Variants in LRGUK observed in about 807,000 individuals in gnomAD.
LRGUK encodes the protein leucine-rich repeat and guanylate kinase domain-containing protein.
A neutral mutation model predicts 76.0 loss-of-function variants in LRGUK; 65 were observed. That is an observed-to-expected ratio of 0.85 (90% CI 0.70 to 1.05). LRGUK has a LOEUF of 1.05. Ranked by LOEUF, LRGUK falls within the 50% of genes least tolerant of loss-of-function variation. The pLI is 0.00. For synonymous variants in LRGUK, 268 were observed against 265.6 expected (o/e 1.01, Z -0.09); for missense variants, 758 against 732.8 (o/e 1.03, Z -0.40).
intron 16 of LRGUK, among the ~76,000 whole-genome samples, chr7:134,246,792 T>C (rs553685391): frequency 6.6e-5 from 10 of 152,242 alleles, no homozygotes; most frequent in Non-Finnish European, 1.2e-4. Context: ...AAGTCTTTTA[T>C]GTAAAACAAA....
downstream of LRGUK, among the ~76,000 whole-genome samples, chr7:134,213,026 C>T (rs1438123762): frequency 1.3e-5 from 2 of 152,132 alleles, no homozygotes; most frequent in Non-Finnish European, 2.9e-5. Flanking sequence ...TTAGTCATCG[C>T]GGTTGCAGAA....
At chr7:134,128,217 A>G (rs948668525) in intron 1 of LRGUK, among the ~76,000 whole-genome samples, 5 of 152,230 alleles carry the variant, frequency 3.3e-5, no homozygotes, top group African/African-American at 1.2e-4. Flanking sequence ...TATACAAGCA[A>G]CATGCACACA....
rs528962373 is a variant in LRGUK, at chr7:134,197,404, A to T, written c.1545+299A>T. 2.6e-5 allele frequency among the ~76,000 whole-genome samples: 4 copies of T among 152,326 alleles called. No homozygotes were observed. The East Asian group carries it at 5.8e-4, about 22-fold the overall frequency. Reference sequence around the variant, plus strand: ...GGTTACAATACAAGAAATTGCACAGATATTGTGAGTGAAACTGCCACTCGA... The same window carrying T: ...GGTTACAATACAAGAAATTGCACAGTTATTGTGAGTGAAACTGCCACTCGA... On this transcript the variant is annotated intron_variant, in intron 13 of 15. Coordinates refer to ENST00000645682, the Ensembl canonical transcript of LRGUK.
chr7:134,148,391 T>C, intron 5 of LRGUK, 72 bp downstream of exon 5: 1 of 878,876 alleles, frequency 1.1e-6, no homozygotes, highest in South Asian at 1.5e-5. Flanking sequence ...ATTCAAGAAT[T>C]GTATTAGATT....
intron 7 of LRGUK, among the ~76,000 whole-genome samples, chr7:134,167,643 G>T (rs1298694320): frequency 6.6e-6 from 1 of 152,146 alleles, no homozygotes; most frequent in African/African-American, 2.4e-5. Context: ...GGGGTGCAGT[G>T]CTCCCTTGCA....
intron 8 of LRGUK, 33 bp from the exon 9 acceptor site, chr7:134,176,944 G>A (rs770706061): frequency 1.5e-6 from 2 of 1,327,380 alleles, no homozygotes; most frequent in Non-Finnish European, 2.1e-6. Context: ...GAAAAGGAAG[G>A]CAACTGAACA....
At chr7:134,270,220 GTT>G in the LRGUK span, among the ~76,000 whole-genome samples, 2 of 152,056 alleles carry the variant, frequency 1.3e-5, no homozygotes, top group African/African-American at 2.4e-5. Context: ...GACTAAATAT[GTT>G]CATTAAGTTC....
At chr7:134,253,045 C>A (rs1802485820) in intron 18 of LRGUK, among the ~76,000 whole-genome samples, 1 of 152,148 alleles carries the variant, frequency 6.6e-6, no homozygotes, top group Non-Finnish European at 1.5e-5. Context: ...AGGTACGAAT[C>A]TAAGTTAAAT....
intron 19 of LRGUK, among the ~76,000 whole-genome samples, chr7:134,260,865 A>C (rs1802705575): frequency 1.3e-5 from 2 of 152,184 alleles, no homozygotes; most frequent in Non-Finnish European, 2.9e-5. Flanking sequence ...CAAATGGGTT[A>C]GAACATTGCA....
chr7:134,137,508 G>A (rs1287118517), intron 2 of LRGUK, among the ~76,000 whole-genome samples: 1 of 151,900 alleles, frequency 6.6e-6, no homozygotes, highest in Non-Finnish European at 1.5e-5. Context: ...TGAATCCAAG[G>A]GAACAAAGTA....
chr7:134,181,060 C>G (rs1450181109), intron 10 of LRGUK, among the ~76,000 whole-genome samples: 1 of 152,140 alleles, frequency 6.6e-6, no homozygotes, highest in Non-Finnish European at 1.5e-5. Context: ...CGTGCTTTCT[C>G]CTTCTTTGCT....
In LRGUK at chr7:134,162,671, A is replaced by G. The variant is rs1798795908; in HGVS notation, c.796-726A>G. On this transcript the variant is annotated intron_variant, in intron 6 of 15. Transcript: ENST00000645682. ...ATGAAACCCCATCTCTACTAAAAAT[A>G]CAAAAATTAGCCAGGCATGGTGGTG... Among the ~76,000 whole-genome samples the G allele has an allele frequency of 5.9e-5, 9 of 152,060 alleles. 1 individual carries two copies. Among genetic ancestry groups the G allele is most frequent in the Admixed American group, 5.2e-4 (8 of 15,268 alleles).
At chr7:134,241,393 G>A (rs1187686259) in intron 16 of LRGUK, among the ~76,000 whole-genome samples, 8 of 152,098 alleles carry the variant, frequency 5.3e-5, no homozygotes, top group Admixed American at 3.9e-4. Context: ...AAAAAAAGCA[G>A]GGGTTGCAAT....
At chr7:134,210,855 C>A (rs1456415260), downstream of LRGUK, among the ~76,000 whole-genome samples, 3 of 152,140 alleles carry the variant, frequency 2.0e-5, no homozygotes, top group Non-Finnish European at 4.4e-5. Context: ...AAACATGGGG[C>A]AGTGCCACAG....
intron 16 of LRGUK, among the ~76,000 whole-genome samples, chr7:134,239,216 C>T (rs947050198): frequency 3.3e-5 from 5 of 152,160 alleles, no homozygotes; most frequent in African/African-American, 1.2e-4. Flanking sequence ...TGGGGCTTGT[C>T]AGACAGTGGG....
In LRGUK at chr7:134,163,390, G is replaced by C; in HGVS notation, c.796-7G>C. 6.2e-7 allele frequency: 1 copy of C among 1,603,106 alleles called. No homozygotes were observed. On this transcript the variant is annotated splice_region_variant and splice_polypyrimidine_tract_variant and intron_variant, in intron 6 of 15. Coordinates refer to ENST00000645682, the Ensembl canonical transcript of LRGUK. ...TGAGACATTAAATATATTTTTTTCT[G>C]TTTTAGAGCAATAACCAGATTGAGA...
chr7:134,144,800 A>G (rs1797902871), intron 4 of LRGUK, among the ~76,000 whole-genome samples: 1 of 152,158 alleles, frequency 6.6e-6, no homozygotes, highest in South Asian at 2.1e-4. Context: ...AGTTTTTGCC[A>G]GGATGACATT....
chr7:134,188,525 T>C (rs892347903), intron 11 of LRGUK, among the ~76,000 whole-genome samples: 3 of 152,112 alleles, frequency 2.0e-5, no homozygotes, highest in African/African-American at 7.2e-5. Context: ...GATGATAGCA[T>C]GAGTCAGAAA....
intron 16 of LRGUK, among the ~76,000 whole-genome samples, chr7:134,237,657 CTT>C (rs1484479260): frequency 1.3e-5 from 2 of 152,092 alleles, no homozygotes; most frequent in East Asian, 3.9e-4. Flanking sequence ...TGGAATCAGT[CTT>C]TTCTTCAAGA....
Sources: allele counts gnomAD v4.1 joint callset (sites outside exome capture counted in the v4.1 genomes callset), GRCh38; gene constraint gnomAD v4.1.1; transcripts MANE v1.5; gene names NCBI Gene and HGNC (gene_info 2026-07-23, HGNC 2026-07-21).